Variants in MAGI2 observed in about 807,000 individuals in gnomAD.
The protein encoded by MAGI2 is membrane-associated guanylate kinase, WW and PDZ domain-containing protein 2.
MAGI2 carries 35 observed loss-of-function variants against 133.3 expected under a neutral mutation model. The ratio of observed to expected loss-of-function variants is 0.26; its 90% CI spans 0.20 to 0.35. MAGI2 has a LOEUF of 0.35. Among genes scored for constraint, MAGI2 ranks in the 10% least tolerant of loss-of-function variants. The pLI is 1.00. For missense variants in MAGI2, 1,636 were observed against 1,863.4 expected, an observed-to-expected ratio of 0.88 and a Z score of 2.25; for synonymous variants, 729 against 710.6, an observed-to-expected ratio of 1.03 and a Z score of -0.41.
chr7:78,077,747 G>C, intron 21 of MAGI2, among the ~76,000 whole-genome samples: 1 of 17,826 alleles, frequency 5.6e-5, no homozygotes, highest in Admixed American at 5.3e-4. Flanking sequence ...TTTTTTTTTT[G>C]AGACAGAGTT....
At chr7:78,601,583 G>A (rs1214322396) in intron 3 of MAGI2, among the ~76,000 whole-genome samples, 2 of 151,996 alleles carry the variant, frequency 1.3e-5, no homozygotes, top group Non-Finnish European at 2.9e-5. Context: ...GTATTTACGG[G>A]CATTTTTATA....
intron 2 of MAGI2, among the ~76,000 whole-genome samples, chr7:78,990,315 T>C (rs576061265): frequency 6.6e-6 from 1 of 152,018 alleles, no homozygotes; most frequent in Non-Finnish European, 1.5e-5. Context: ...TGAGCTTTAC[T>C]GGAAAAAAAA....
intron 1 of MAGI2, among the ~76,000 whole-genome samples, chr7:79,451,757 A>G (rs1849272021): frequency 1.3e-5 from 2 of 152,320 alleles, no homozygotes; most frequent in South Asian, 4.1e-4. Context: ...GACATGCTCA[A>G]TTCCACCTTT....
At chr7:78,807,676 C>T (rs897188466) in intron 2 of MAGI2, among the ~76,000 whole-genome samples, 2 of 152,150 alleles carry the variant, frequency 1.3e-5, no homozygotes, top group Non-Finnish European at 2.9e-5. Flanking sequence ...ACTGAGGGTA[C>T]TCCTGGAGCC....
chr7:78,086,816 G>A (rs778121371), intron 20 of MAGI2, among the ~76,000 whole-genome samples: 12 of 150,566 alleles, frequency 8.0e-5, no homozygotes. Context: ...TATATTTTTG[G>A]TAAAGACGGG....
chr7:78,083,721 C>T (rs1816312436), intron 20 of MAGI2, among the ~76,000 whole-genome samples: 2 of 152,228 alleles, frequency 1.3e-5, no homozygotes, highest in African/African-American at 4.8e-5. Context: ...CATTTCTGCT[C>T]ATACATCATA....
Position 78,513,680 on chromosome 7 carries a change from C to T in MAGI2, c.754+7750G>A, listed in dbSNP as rs1223727758. 2.0e-5 allele frequency among the ~76,000 whole-genome samples: 3 copies of T among 152,180 alleles called. No homozygotes were observed. The East Asian group carries it at 5.8e-4, about 29-fold the overall frequency. ...AGGTGCTACTCTGGTTGTCCTTGTTCTGCCTTCCTCACTCATGGATCAAAT... is the reference window on the plus strand; with the variant it reads ...AGGTGCTACTCTGGTTGTCCTTGTTTTGCCTTCCTCACTCATGGATCAAAT... On this transcript the variant is annotated intron_variant, in intron 4 of 21. Coordinates refer to ENST00000354212, the MANE Select transcript of MAGI2 (RefSeq NM_012301.4).
intron 9 of MAGI2, among the ~76,000 whole-genome samples, chr7:78,342,667 G>A (rs547970257): frequency 2.7e-4 from 41 of 152,270 alleles, no homozygotes; most frequent in Middle Eastern, 3.4e-3. Flanking sequence ...CAGAGACTTC[G>A]ATGAAGCTGG....
chr7:79,006,810 T>C (rs1387304258), intron 2 of MAGI2: 2 of 284,446 alleles, frequency 7.0e-6, no homozygotes, highest in Non-Finnish European at 1.3e-5. Context: ...TCACCAACAG[T>C]CTGGACTAGA....
intron 6 of MAGI2, among the ~76,000 whole-genome samples, chr7:78,393,193 T>C (rs1352362048): frequency 6.6e-6 from 1 of 152,164 alleles, no homozygotes; most frequent in Non-Finnish European, 1.5e-5. Context: ...GCTTCTCACC[T>C]ACGGAAGTTG....
At chr7:79,002,705 T>C (rs1807000316) in intron 2 of MAGI2, among the ~76,000 whole-genome samples, 1 of 152,004 alleles carries the variant, frequency 6.6e-6, no homozygotes, top group African/African-American at 2.4e-5. Flanking sequence ...CTCCAAACAT[T>C]TCCATTGAGA....
intron 1 of MAGI2, among the ~76,000 whole-genome samples, chr7:79,317,435 A>C (rs1383776647): frequency 6.6e-6 from 1 of 152,002 alleles, no homozygotes; most frequent in Non-Finnish European, 1.5e-5. Context: ...AATAGAATAC[A>C]CTGAGCCACA....
intron 1 of MAGI2, among the ~76,000 whole-genome samples, chr7:79,120,325 G>A (rs1012588126): frequency 6.6e-6 from 1 of 152,060 alleles, no homozygotes; most frequent in African/African-American, 2.4e-5. Context: ...ACATATTGAA[G>A]AGGGTTCATT....
Position 78,890,381 on chromosome 7 carries a change from T to A in MAGI2, c.418+116709A>T, listed in dbSNP as rs569132716. ...TCAGCTCTGCACCAAGTGGACCTAA[T>A]AGACATCTACAGAACTCTCCACCCC... is the stretch of plus-strand genomic sequence containing the variant. On this transcript the variant is annotated intron_variant, in intron 2 of 21. Transcript: ENST00000354212. 4.6e-5 allele frequency among the ~76,000 whole-genome samples: 7 copies of A among 152,316 alleles called. No homozygotes were observed. In the South Asian group the frequency reaches 1.2e-3, roughly 27 times the overall value.
chr7:78,133,940 T>A (rs1821829569), intron 17 of MAGI2: 1 of 152,112 alleles, frequency 6.6e-6, no homozygotes, highest in Non-Finnish European at 1.5e-5. Flanking sequence ...ACAGTCCAAA[T>A]CTTTTAATTC....
At chr7:78,365,467 C>T (rs1161340208) in intron 7 of MAGI2, among the ~76,000 whole-genome samples, 1 of 151,968 alleles carries the variant, frequency 6.6e-6, no homozygotes, top group South Asian at 2.1e-4. Flanking sequence ...AAATTTCAGC[C>T]CCTCATCTCA....
At chr7:79,186,226 A>ATATATATT (rs1827109880) in intron 1 of MAGI2, among the ~76,000 whole-genome samples, 2 of 60,338 alleles carry the variant, frequency 3.3e-5, no homozygotes, top group Non-Finnish European at 1.2e-4. Context: ...ATATATATAT[A>ATATATATT]TATATATATA....
At chr7:78,614,184 G>A (rs926076491) in intron 3 of MAGI2, among the ~76,000 whole-genome samples, 1 of 150,820 alleles carries the variant, frequency 6.6e-6, no homozygotes, top group Non-Finnish European at 1.5e-5. Context: ...AGATAGCGAT[G>A]TATTATTTCC....
At chr7:79,020,768 A>G (rs1207878687) in intron 1 of MAGI2, among the ~76,000 whole-genome samples, 1 of 151,720 alleles carries the variant, frequency 6.6e-6, no homozygotes, top group African/African-American at 2.4e-5. Flanking sequence ...TCTGTCTTAA[A>G]AAAAAAAAAA....
Sources: allele counts gnomAD v4.1 joint callset (sites outside exome capture counted in the v4.1 genomes callset), GRCh38; gene constraint gnomAD v4.1.1; transcripts MANE v1.5; gene names NCBI Gene and HGNC (gene_info 2026-07-23, HGNC 2026-07-21).